The following DDB1 variants were observed in gnomAD, a reference collection of about 807,000 sequenced individuals.
The protein encoded by DDB1 is DNA damage-binding protein 1.
A neutral mutation model predicts 133.1 loss-of-function variants in DDB1; 18 were observed. The ratio of observed to expected loss-of-function variants is 0.14; its 90% CI spans 0.09 to 0.20. The LOEUF (loss-of-function observed/expected upper bound fraction) is 0.20, where lower values mean the gene tolerates loss of function less well. DDB1 is among the 10% of genes least tolerant of loss of function. The pLI is 1.00. For synonymous variants in DDB1, 580 were observed against 550.5 expected, an observed-to-expected ratio of 1.05 and a Z score of -0.75; for missense variants, 828 against 1,459.2, an observed-to-expected ratio of 0.57 and a Z score of 7.05.
chr11:61,331,332 GC>G (rs1350238126), intron 2 of DDB1, among the ~76,000 whole-genome samples: 2 of 152,022 alleles, frequency 1.3e-5, no homozygotes, highest in East Asian at 3.9e-4. Context: ...ACCTAACACA[GC>G]CCAAGCACGG....
chr11:61,304,876 TAAA>T (rs757285412), intron 21 of DDB1, among the ~76,000 whole-genome samples: 7 of 109,550 alleles, frequency 6.4e-5, no homozygotes, highest in Admixed American at 1.9e-4. Flanking sequence ...AGACTCCGCC[TAAA>T]AAAAAAAAAA....
intron 21 of DDB1, 84 bp downstream of exon 21, chr11:61,308,899 G>A (rs190671795): frequency 5.4e-6 from 7 of 1,307,874 alleles, no homozygotes; most frequent in South Asian, 3.6e-5. Flanking sequence ...TGACACACAC[G>A]TGGCCCCAGA....
intron 8 of DDB1, chr11:61,322,730 G>T: frequency 1.8e-6 from 1 of 541,142 alleles, no homozygotes; most frequent in Middle Eastern, 4.9e-4. Flanking sequence ...TATTCTAGAA[G>T]AAGTCCATTA....
At chr11:61,303,844 G>C in intron 22 of DDB1, 21 bp downstream of exon 22, 1 of 1,612,170 alleles carries the variant, frequency 6.2e-7, no homozygotes, top group East Asian at 2.2e-5. Flanking sequence ...AAGTCTGCTC[G>C]CATCCCCCCA....
Position 61,313,516 on chromosome 11 carries a change from T to G in DDB1, c.2052A>C (p.Ser684=). The G allele has an allele frequency of 3.7e-6, 6 of 1,614,156 alleles. No homozygotes were observed. The highest frequency in any genetic ancestry group is 5.1e-6 in the Non-Finnish European group (6 of 1,179,994). ...AGACTCACCTGTCAGGATAGCCATC[T>G]GAATTGAGGGGACACATGTAGTTCA... ...KEVNYMCPLN[S]DGYPDSLALA... The change falls in exon 16 of 27, where the codon TCA becomes TCC. Residue 684 remains serine (S), a synonymous_variant. Transcript: ENST00000301764.
In DDB1 at chr11:61,303,408, G is replaced by T. The variant is rs182262656; in HGVS notation, c.2833-253C>A. 684 of 416,830 alleles carry T rather than the reference G, an allele frequency of 1.6e-3. 2 individuals are homozygous for T. Among genetic ancestry groups the T allele is most frequent in the African/African-American group, 0.013 (637 of 49,054 alleles). The allele number at this position is 416,830 out of a possible 1,614,324, so 25.8% of individuals were successfully genotyped here. Reference sequence around the variant, plus strand: ...GAGTCTCTAAAAATACTTAATCAGGGCCGGGCACAGTGGCTCACGCCTGTA... The same window carrying T: ...GAGTCTCTAAAAATACTTAATCAGGTCCGGGCACAGTGGCTCACGCCTGTA... On this transcript the variant is annotated intron_variant, in intron 22 of 26. Transcript: ENST00000301764.
In DDB1 at chr11:61,300,917, G is replaced by A. The variant is rs745672600; in HGVS notation, c.3231C>T (p.His1077=). 8.7e-6 allele frequency: 14 copies of A among 1,614,052 alleles called. No individual in the cohort carries two copies. The Admixed American group carries it at 1.2e-4, about 13-fold the overall frequency. ...TGGCTGGTTCTGTCTTCCGCTCGGTGTGAAAGGATCTCCAGGTGGATGGGT... is the reference window on the plus strand; with the variant it reads ...TGGCTGGTTCTGTCTTCCGCTCGGTATGAAAGGATCTCCAGGTGGATGGGT... ...KIEHSFWRSF[H]TERKTEPATG... Residue 1077 remains histidine, a synonymous_variant, in exon 26 of 27, where the codon CAC becomes CAT. Transcript: ENST00000301764.
chr11:61,307,504 C>T (rs1248146474), intron 21 of DDB1, among the ~76,000 whole-genome samples: 1 of 152,232 alleles, frequency 6.6e-6, no homozygotes, highest in Non-Finnish European at 1.5e-5. Flanking sequence ...CTTCACAAGT[C>T]ACCCTTTGTT....
chr11:61,303,874 G>A lies in DDB1; in HGVS notation c.2823C>T (p.Asn941=). The part of the protein sequence containing the change: ...LLLAYKPMEG[N]FEEIARDFNP... ...CCCCCACCAGCATCACCTCTTCAAAGTTTCCTTCCATGGGCTTGTAGGCAA... is the reference window on the plus strand; with the variant it reads ...CCCCCACCAGCATCACCTCTTCAAAATTTCCTTCCATGGGCTTGTAGGCAA... The change falls in exon 22 of 27, where the codon AAC becomes AAT. Residue 941 remains asparagine (N), a synonymous_variant. Transcript: ENST00000301764. 6.2e-7 allele frequency: 1 copy of A among 1,613,930 alleles called. No homozygotes were observed. The highest frequency in any genetic ancestry group is 8.5e-7 in the Non-Finnish European group (1 of 1,179,996).
At chr11:61,321,510 C>T (rs1350866387) in intron 10 of DDB1, 85 bp downstream of exon 10, 22 of 1,204,682 alleles carry the variant, frequency 1.8e-5, no homozygotes, top group Non-Finnish European at 2.7e-5. Flanking sequence ...TTTCCTCTGG[C>T]TCCCACCAAA....
intron 4 of DDB1, among the ~76,000 whole-genome samples, chr11:61,328,786 G>A (rs1049973546): frequency 1.3e-5 from 2 of 152,060 alleles, no homozygotes; most frequent in Admixed American, 6.6e-5. Flanking sequence ...CAGGAGAATC[G>A]CTTGAACCAG....
At chr11:61,302,186 G>C (rs1407509908) in intron 25 of DDB1, 71 bp downstream of exon 25, 1 of 1,311,120 alleles carries the variant, frequency 7.6e-7, no homozygotes, top group Non-Finnish European at 1.1e-6. Flanking sequence ...TAGCTTCCGG[G>C]TAATGTGACT....
intron 10 of DDB1, among the ~76,000 whole-genome samples, chr11:61,318,129 T>C (rs1265767289): frequency 6.6e-6 from 1 of 152,232 alleles, no homozygotes. Context: ...CCTTGTTCTT[T>C]CATTGAACAA....
chr11:61,305,032 A>C (rs1855863231), intron 21 of DDB1, among the ~76,000 whole-genome samples: 1 of 152,266 alleles, frequency 6.6e-6, no homozygotes, highest in Admixed American at 6.5e-5. Context: ...TAAAGAAGAC[A>C]GACTCAACCC....
intron 18 of DDB1, chr11:61,311,333 CAT>C (rs1855967177): frequency 6.3e-6 from 1 of 158,248 alleles, no homozygotes; most frequent in South Asian, 2.0e-4. Flanking sequence ...CATAACATAA[CAT>C]AACATAACAA....
At chr11:61,300,587 G>C (rs1855776742) in intron 26 of DDB1, among the ~76,000 whole-genome samples, 1 of 152,186 alleles carries the variant, frequency 6.6e-6, no homozygotes, top group African/African-American at 2.4e-5. Flanking sequence ...GGTTAACATG[G>C]GTAGAGTTAC....
chr11:61,325,693 C>T lies in DDB1; in HGVS notation c.680G>A (p.Gly227Glu). The T allele has an allele frequency of 1.2e-6, 2 of 1,612,882 alleles. No individual in the cohort carries two copies. The highest frequency in any genetic ancestry group is 2.2e-5 in the South Asian group (2 of 90,710). ...SMVIAVPEPF[G>E]GAIIIGQESI... is the part of the protein sequence containing the mutation. ...CTCCTGTCCAATGATGATGGCCCCC[C>T]CAAAGGGCTCTGGGACTGCAGGAAA... Residue 227 changes from glycine to glutamate, a missense_variant, in exon 6 of 27, where the codon GGG (glycine) becomes GAG (glutamate). Physicochemically the swap from Gly to Glu is moderately conservative, Grantham distance 98. Transcript: ENST00000301764.
In DDB1 at chr11:61,316,522, G is replaced by C. The variant is rs1028736999; in HGVS notation, c.1271C>G (p.Thr424Ser). ...CTGGCCCACAAAAGAGAGCACCAAA[G>C]TGTCATCAGTCTCACGATTAGGGTC... ...RSDPNRETDD[T>S]LVLSFVGQTR... The change falls in exon 11 of 27, where the codon ACT (threonine) becomes AGT (serine). Residue 424 changes from threonine (T) to serine (S), a missense_variant. Coordinates refer to ENST00000301764, the MANE Select transcript of DDB1 (RefSeq NM_001923.5). 6.2e-7 allele frequency: 1 copy of C among 1,614,144 alleles called. No homozygotes were observed. Among genetic ancestry groups the C allele is most frequent in the Non-Finnish European group, 8.5e-7 (1 of 1,180,034 alleles).
At chr11:61,305,441 A>T (rs2134897153) in intron 21 of DDB1, among the ~76,000 whole-genome samples, 1 of 152,350 alleles carries the variant, frequency 6.6e-6, no homozygotes, top group Non-Finnish European at 1.5e-5. Context: ...AGGGAGTCGG[A>T]GGTTGCAGTG....
Sources: gnomAD v4.1 joint callset for allele counts (sites outside exome capture counted in the v4.1 genomes callset) on GRCh38, gnomAD v4.1.1 for gene constraint, MANE v1.5 for transcripts, NCBI Gene and HGNC (gene_info 2026-07-23, HGNC 2026-07-21) for gene names.